Variants in SLC35F3 observed in about 807,000 individuals in gnomAD.
SLC35F3 encodes putative thiamine transporter SLC35F3.
Under a neutral mutation model 49.9 loss-of-function variants are expected in SLC35F3, and 25 were observed. The observed-to-expected ratio is 0.50, with a 90% CI of 0.37 to 0.70. The LOEUF (loss-of-function observed/expected upper bound fraction) is 0.70, where lower values mean the gene tolerates loss of function less well. Ranked by LOEUF, SLC35F3 falls within the 30% of genes least tolerant of loss-of-function variation. The pLI is 0.00. For synonymous variants in SLC35F3, 275 were observed against 265.4 expected (o/e 1.04, Z -0.35); for missense variants, 525 against 639.8 (o/e 0.82, Z 1.94).
At chr1:234,073,156 A>G (rs1014914700) in intron 2 of SLC35F3, among the ~76,000 whole-genome samples, 6 of 151,916 alleles carry the variant, frequency 3.9e-5, no homozygotes, top group Non-Finnish European at 5.9e-5. Context: ...TTTGATTTTT[A>G]TTTTACAGAT....
intron 2 of SLC35F3, among the ~76,000 whole-genome samples, chr1:233,976,166 GT>G (rs1333113186): frequency 1.3e-5 from 2 of 152,118 alleles, no homozygotes; most frequent in Admixed American, 6.6e-5. Flanking sequence ...ATGGCACAAT[GT>G]TTTTTAAGTA....
intron 3 of SLC35F3, among the ~76,000 whole-genome samples, chr1:234,268,008 C>T (rs1369666263): frequency 1.3e-5 from 2 of 149,052 alleles, no homozygotes; most frequent in African/African-American, 5.0e-5. Flanking sequence ...ACATCCCAGA[C>T]GATGGGCGGC....
intron 2 of SLC35F3, among the ~76,000 whole-genome samples, chr1:234,084,239 AC>A (rs1408979307): frequency 8.5e-5 from 13 of 152,062 alleles, no homozygotes; most frequent in Admixed American, 6.6e-4. Flanking sequence ...ACACACACAC[AC>A]ACACACACAC....
chr1:234,033,980 G>A (rs759135571), intron 2 of SLC35F3, among the ~76,000 whole-genome samples: 1 of 152,156 alleles, frequency 6.6e-6, no homozygotes, highest in Non-Finnish European at 1.5e-5. Flanking sequence ...AGTCTGTCCA[G>A]CCATAAACAT....
chr1:233,948,475 C>T (rs1018215159), intron 2 of SLC35F3, among the ~76,000 whole-genome samples: 7 of 151,364 alleles, frequency 4.6e-5, no homozygotes, highest in African/African-American at 1.7e-4. Flanking sequence ...AGTTAAACCA[C>T]AAGGCTAGAT....
At chr1:234,012,554 G>A (rs1313696321) in intron 2 of SLC35F3, among the ~76,000 whole-genome samples, 4 of 152,224 alleles carry the variant, frequency 2.6e-5, no homozygotes, top group Non-Finnish European at 4.4e-5. Flanking sequence ...ACTAGAGAAT[G>A]GTGATGACTT....
At position 234,214,351 on chromosome 1, in the gene SLC35F3, CG is replaced by C; in HGVS notation, c.284-17062del. Reference sequence around the variant, plus strand: ...CGGCAACCGGAGCCCGGCGGGCAGCCGGGGAGGCCGGGACTGAGAGGGGCGA... The same window carrying C: ...CGGCAACCGGAGCCCGGCGGGCAGCCGGGAGGCCGGGACTGAGAGGGGCGA... On this transcript the variant is annotated intron_variant, in intron 2 of 7. Transcript: ENST00000366618. The surrounding 1 kb of genome is among the most constrained non-coding windows in gnomAD (Gnocchi z 8.0). 3 of 1,316,100 alleles carry C rather than the reference CG, an allele frequency of 2.3e-6. No individual in the cohort carries two copies. Among genetic ancestry groups the C allele is most frequent in the Non-Finnish European group, 2.9e-6 (3 of 1,033,942 alleles). The allele number at this position is 1,316,100 out of a possible 1,614,324, so 81.5% of individuals were successfully genotyped here.
chr1:234,173,190 T>C (rs1666426783), intron 2 of SLC35F3, among the ~76,000 whole-genome samples: 1 of 152,210 alleles, frequency 6.6e-6, no homozygotes, highest in Non-Finnish European at 1.5e-5. Context: ...GAGTACGAAC[T>C]GCTTTCCAGC....
chr1:234,060,748 C>T (rs1664527962), intron 2 of SLC35F3, among the ~76,000 whole-genome samples: 1 of 152,104 alleles, frequency 6.6e-6, no homozygotes, highest in African/African-American at 2.4e-5. Context: ...TACTGTGCCC[C>T]ACCCTACTCC....
chr1:234,221,496 G>A (rs538820999), intron 2 of SLC35F3, among the ~76,000 whole-genome samples: 1 of 152,284 alleles, frequency 6.6e-6, no homozygotes, highest in East Asian at 1.9e-4. Context: ...GAGGAGGGAA[G>A]CTAAGGGAGC....
At chr1:234,060,933 C>T (rs1664530319) in intron 2 of SLC35F3, among the ~76,000 whole-genome samples, 1 of 152,178 alleles carries the variant, frequency 6.6e-6, no homozygotes, top group Non-Finnish European at 1.5e-5. Context: ...TTATAGGGCA[C>T]AGCATACATT....
chr1:233,979,995 T>C (rs927284151), intron 2 of SLC35F3, among the ~76,000 whole-genome samples: 25 of 152,194 alleles, frequency 1.6e-4, no homozygotes, highest in African/African-American at 5.8e-4. Context: ...TCTCCACCAG[T>C]TGTGCCCCTC....
At chr1:234,129,306 A>G (rs1665698266) in intron 2 of SLC35F3, among the ~76,000 whole-genome samples, 1 of 152,238 alleles carries the variant, frequency 6.6e-6, no homozygotes, top group African/African-American at 2.4e-5. Flanking sequence ...CTTTACCAGA[A>G]TGGTTACAAT....
intron 4 of SLC35F3, among the ~76,000 whole-genome samples, chr1:234,314,418 T>C (rs1657434613): frequency 6.6e-6 from 1 of 152,152 alleles, no homozygotes; most frequent in South Asian, 2.1e-4. Flanking sequence ...CTTCATTGCC[T>C]CCAACTTCAG....
intron 2 of SLC35F3, among the ~76,000 whole-genome samples, chr1:233,995,441 G>A (rs1307490376): frequency 6.6e-6 from 1 of 152,152 alleles, no homozygotes; most frequent in East Asian, 1.9e-4. Flanking sequence ...GTTTCTGCCT[G>A]TATATTCCCA....
At chr1:234,179,841 C>T (rs1666530784) in intron 2 of SLC35F3, among the ~76,000 whole-genome samples, 1 of 152,184 alleles carries the variant, frequency 6.6e-6, no homozygotes, top group Non-Finnish European at 1.5e-5. Flanking sequence ...CAGCAAAAGC[C>T]TCTTTGACTT....
chr1:234,047,473 T>G (rs1489884210), intron 2 of SLC35F3, among the ~76,000 whole-genome samples: 1 of 152,226 alleles, frequency 6.6e-6, no homozygotes, highest in Non-Finnish European at 1.5e-5. Flanking sequence ...CTTGCCTGAC[T>G]GCTTCAGCTG....
chr1:233,973,167 C>T (rs556067088), intron 2 of SLC35F3, among the ~76,000 whole-genome samples: 1 of 152,334 alleles, frequency 6.6e-6, no homozygotes, highest in East Asian at 1.9e-4. Flanking sequence ...TCCCATGTCC[C>T]CTGTAGAGTC....
At chr1:234,210,423 A>G (rs547434505) in intron 2 of SLC35F3, among the ~76,000 whole-genome samples, 2 of 152,306 alleles carry the variant, frequency 1.3e-5, no homozygotes, top group African/African-American at 4.8e-5. Flanking sequence ...GAAGAAGATA[A>G]GAAAATGTGG....
Sources: gnomAD v4.1 joint callset for allele counts (sites outside exome capture counted in the v4.1 genomes callset) on GRCh38, gnomAD v4.1.1 for gene constraint, Gnocchi (gnomAD v3.1) non-coding constraint, MANE v1.5 for transcripts, NCBI Gene and HGNC (gene_info 2026-07-23, HGNC 2026-07-21) for gene names.